Variants in ARHGAP19 observed in about 807,000 individuals in gnomAD.
The protein encoded by ARHGAP19 is rho GTPase-activating protein 19.
A neutral mutation model predicts 60.9 loss-of-function variants in ARHGAP19; 48 were observed. The observed-to-expected ratio is 0.79, with a 90% CI of 0.62 to 1.00. The LOEUF is 1.00. Ranked by LOEUF, ARHGAP19 falls within the 50% of genes least tolerant of loss-of-function variation. ARHGAP19 has a pLI of 0.00. For missense variants in ARHGAP19, 562 were observed against 597.2 expected, an observed-to-expected ratio of 0.94 and a Z score of 0.61; for synonymous variants, 209 against 215.5, an observed-to-expected ratio of 0.97 and a Z score of 0.27.
intron 6 of ARHGAP19, among the ~76,000 whole-genome samples, chr10:97,252,243 T>C (rs1214350598): frequency 1.3e-5 from 2 of 151,220 alleles, no homozygotes; most frequent in African/African-American, 2.4e-5. Context: ...ACCAGGAGGC[T>C]GAAGTAGGAG....
At chr10:97,232,154 ATTTTTTT>A (rs1170639718) in intron 9 of ARHGAP19, among the ~76,000 whole-genome samples, 25 of 56,302 alleles carry the variant, frequency 4.4e-4, no homozygotes, top group East Asian at 3.4e-3. Context: ...TTTGCTCACT[ATTTTTTT>A]TTTTTTTTTT....
At chr10:97,264,406 T>G (rs774928339) in intron 3 of ARHGAP19, among the ~76,000 whole-genome samples, 1 of 149,528 alleles carries the variant, frequency 6.7e-6, no homozygotes, top group Non-Finnish European at 1.5e-5. Context: ...TGAGCCAAGA[T>G]CACACCACTG....
At chr10:97,229,494 T>C (rs793514) in intron 10 of ARHGAP19, among the ~76,000 whole-genome samples, 137,115 of 151,948 alleles carry the variant, frequency 0.9, 62,414 homozygotes, top group Non-Finnish European at 0.97. Context: ...TAAGAACTAA[T>C]TGCTTCCTCC....
intron 6 of ARHGAP19, among the ~76,000 whole-genome samples, chr10:97,249,281 C>T (rs1165593768): frequency 2.0e-5 from 3 of 152,144 alleles, no homozygotes; most frequent in Admixed American, 6.6e-5. Context: ...AGGTTATTTA[C>T]TAACCGCAAA....
At chr10:97,266,146 T>C (rs1002550675) in intron 1 of ARHGAP19, 21 bp from the exon 2 acceptor site, 4 of 1,610,778 alleles carry the variant, frequency 2.5e-6, no homozygotes, top group East Asian at 2.2e-5. Context: ...CAGAAGAAAA[T>C]CTTTCGGGAC....
chr10:97,252,532 G>A (rs1398713900), intron 6 of ARHGAP19, among the ~76,000 whole-genome samples: 1 of 151,680 alleles, frequency 6.6e-6, no homozygotes, highest in Admixed American at 6.6e-5. Flanking sequence ...GCTGAGGCAG[G>A]AGAATGGCAT....
At chr10:97,251,614 A>G (rs1589457090) in intron 6 of ARHGAP19, among the ~76,000 whole-genome samples, 1 of 17,672 alleles carries the variant, frequency 5.7e-5, no homozygotes, top group Non-Finnish European at 1.1e-4. Context: ...AGGGGAAGGG[A>G]AGGGGAAGAT....
chr10:97,260,934 T>TAAA (rs757386929), intron 4 of ARHGAP19, among the ~76,000 whole-genome samples: 8 of 107,624 alleles, frequency 7.4e-5, no homozygotes, highest in South Asian at 2.9e-4. Context: ...TCTCTATATT[T>TAAA]AAAAAAAAAA....
At chr10:97,246,916 T>A (rs1221224930) in intron 6 of ARHGAP19, among the ~76,000 whole-genome samples, 1 of 152,016 alleles carries the variant, frequency 6.6e-6, no homozygotes, top group African/African-American at 2.4e-5. Context: ...GGTGGGTGGA[T>A]CACCTGAAGT....
At position 97,292,597 on chromosome 10, in the gene ARHGAP19, C is replaced by T. The variant is rs781620799; in HGVS notation, c.31G>A (p.Val11Met). 1.2e-5 allele frequency: 19 copies of T among 1,614,074 alleles called. No homozygotes were observed. Among genetic ancestry groups the T allele is most frequent in the African/African-American group, 1.1e-4 (8 of 74,934 alleles). Reference protein sequence around the residue: MATEAQSEGEVPARESGRSDA... With the variant: MATEAQSEGEMPARESGRSDA... ...CTCCGGCCGGATTCGCGGGCTGGCA[C>T]CTCCCCTTCACTCTGTGCCTCAGTC... Residue 11 changes from valine to methionine, a missense_variant, in exon 1 of 12, where the codon GTG (valine) becomes ATG (methionine). Coordinates refer to ENST00000358531, the MANE Select transcript of ARHGAP19 (RefSeq NM_032900.6).
At chr10:97,257,189 CCTGT>C (rs1316699458) in intron 5 of ARHGAP19, among the ~76,000 whole-genome samples, 2 of 151,978 alleles carry the variant, frequency 1.3e-5, no homozygotes, top group East Asian at 3.9e-4. Flanking sequence ...CCTTGTTTCT[CCTGT>C]CTTTTTTAAG....
Position 97,284,855 on chromosome 10 carries a change from CTTT to C in ARHGAP19, c.56+7714_56+7716del, listed in dbSNP as rs768979699. Among the ~76,000 whole-genome samples the C allele has an allele frequency of 7.6e-3, 946 of 124,094 alleles. 2 individuals carry two copies. Among genetic ancestry groups the C allele is most frequent in the Non-Finnish European group, 0.012 (719 of 59,846 alleles). 81.4% of individuals were successfully genotyped at this position (124,094 alleles called of 152,430 possible). A position where few individuals can be genotyped will look rare whatever the true frequency, so the allele number is the denominator to read the frequency against. On this transcript the variant is annotated intron_variant, in intron 1 of 11. Coordinates refer to ENST00000358531, the MANE Select transcript of ARHGAP19 (RefSeq NM_032900.6). The stretch of plus-strand genomic sequence containing the variant: ...AGAAAGAAAGAAAAAAAAGCATATA[CTTT>C]TTTTTTTTTTTTTTTTTTCCTGTGA...
rs1333724483 is a variant in ARHGAP19, at chr10:97,234,434, AAAAG to A, written c.1284+779_1284+782del. Among the ~76,000 whole-genome samples, 5 of 149,300 alleles carry A rather than the reference AAAAG, an allele frequency of 3.3e-5. 1 individual carries two copies. The highest frequency in any genetic ancestry group is 3.3e-4 in the Admixed American group (5 of 15,022). ...AAAAATTAAAAAAAAAAAAAAAAAA[AAAAG>A]ATACTCAGTGCTTTTGGGGCAGCAA... On this transcript the variant is annotated intron_variant, in intron 9 of 11. Transcript: ENST00000358531.
At chr10:97,289,988 G>A (rs1329255441) in intron 1 of ARHGAP19, among the ~76,000 whole-genome samples, 1 of 151,796 alleles carries the variant, frequency 6.6e-6, no homozygotes, top group African/African-American at 2.4e-5. Context: ...TAAAGAACTG[G>A]ATGAAGGATG....
At chr10:97,279,028 C>T (rs1046585423) in intron 1 of ARHGAP19, among the ~76,000 whole-genome samples, 1 of 152,182 alleles carries the variant, frequency 6.6e-6, no homozygotes, top group Non-Finnish European at 1.5e-5. Flanking sequence ...CTCTCTCTTA[C>T]TGCTTTTTCA....
chr10:97,285,411 C>T (rs892103443), intron 1 of ARHGAP19, among the ~76,000 whole-genome samples: 5 of 151,744 alleles, frequency 3.3e-5, no homozygotes, highest in Non-Finnish European at 7.4e-5. Context: ...TAGCTTATTG[C>T]AGCCTCAAAC....
At chr10:97,240,608 G>A (rs986166771) in intron 8 of ARHGAP19, among the ~76,000 whole-genome samples, 2 of 152,288 alleles carry the variant, frequency 1.3e-5, no homozygotes, top group East Asian at 1.9e-4. Flanking sequence ...GCGAGATCAC[G>A]CCACTGCACT....
At chr10:97,231,030 C>G (rs1335758182) in intron 9 of ARHGAP19, among the ~76,000 whole-genome samples, 1 of 17,730 alleles carries the variant, frequency 5.6e-5, no homozygotes, top group Admixed American at 7.7e-4. Flanking sequence ...GCACTCCAGC[C>G]TGCACACCTA....
intron 9 of ARHGAP19, 140 bp downstream of exon 9, chr10:97,235,077 A>G: frequency 5.5e-6 from 4 of 729,676 alleles, no homozygotes; most frequent in Non-Finnish European, 9.1e-6. Context: ...AAGCTTTTCA[A>G]CATTTTGTCT....
Sources: allele counts gnomAD v4.1 joint callset (sites outside exome capture counted in the v4.1 genomes callset), GRCh38; gene constraint gnomAD v4.1.1; transcripts MANE v1.5; gene names NCBI Gene and HGNC (gene_info 2026-07-23, HGNC 2026-07-21).